The following FH variants were observed in gnomAD, a reference collection of about 807,000 sequenced individuals.
FH encodes fumarate hydratase, also known as fumarate hydratase, mitochondrial.
FH carries 22 observed loss-of-function variants against 49.4 expected under a neutral mutation model. The observed-to-expected ratio is 0.45, with a 90% CI of 0.32 to 0.64. The LOEUF (loss-of-function observed/expected upper bound fraction) is 0.64, where lower values mean the gene tolerates loss of function less well. Among genes scored for constraint, FH ranks in the 30% least tolerant of loss-of-function variants. The pLI is 0.05. For synonymous variants in FH, 208 were observed against 223.0 expected, an observed-to-expected ratio of 0.93 and a Z score of 0.60; for missense variants, 526 against 641.5, an observed-to-expected ratio of 0.82 and a Z score of 1.95.
intron 4 of FH, among the ~76,000 whole-genome samples, chr1:241,510,718 A>T (rs758031919): frequency 1.3e-5 from 2 of 152,208 alleles, no homozygotes; most frequent in African/African-American, 4.8e-5. Context: ...TAATTACTAC[A>T]GTGATTTTAA....
At chr1:241,513,786 G>T in intron 2 of FH, 73 bp from the exon 3 acceptor site, 1 of 1,178,820 alleles carries the variant, frequency 8.5e-7, no homozygotes, top group Non-Finnish European at 1.3e-6. Context: ...TTTGGCAGAT[G>T]CAAAAGCTAT....
In FH at chr1:241,512,107, C is replaced by T. The variant is rs200343823; in HGVS notation, c.415G>A (p.Val139Met). 2.0e-5 allele frequency: 32 copies of T among 1,613,570 alleles called. No individual in the cohort carries two copies. Among genetic ancestry groups the T allele is most frequent in the East Asian group, 1.8e-4 (8 of 44,856 alleles). ...GTTCCTGATCCAGTCTGCCATACCA[C>T]GAGAGGAAAATGATCATTTAATTTA... ...EGKLNDHFPL[V>M]VWQTGSGTQT... Residue 139 changes from valine to methionine, a missense_variant, in exon 4 of 10, where the codon GTG becomes ATG. Physicochemically the swap from Val to Met is conservative, Grantham distance 21. This residue lies in a region of FH where 383 missense variants were observed against 514.0 expected (regional missense o/e 0.75). Transcript: ENST00000366560.
At chr1:241,508,561 T>A (rs201240319) in intron 5 of FH, 42 bp downstream of exon 5, 2 of 1,558,132 alleles carry the variant, frequency 1.3e-6, no homozygotes, top group East Asian at 4.5e-5. Flanking sequence ...TGGCCATTTG[T>A]ACCAAGCTCT....
chr1:241,515,867 G>A (rs1225647678), intron 2 of FH, among the ~76,000 whole-genome samples: 1 of 152,086 alleles, frequency 6.6e-6, no homozygotes, highest in Admixed American at 6.6e-5. Context: ...TTTCTTAGTG[G>A]TGCCTATTGG....
chr1:241,518,366 C>T (rs929975739), intron 1 of FH, among the ~76,000 whole-genome samples: 2 of 152,288 alleles, frequency 1.3e-5, no homozygotes, highest in African/African-American at 4.8e-5. Flanking sequence ...CTTCCCTTTA[C>T]AAAACACTAA....
chr1:241,518,474 G>A (rs1218690519), intron 1 of FH, among the ~76,000 whole-genome samples: 1 of 152,206 alleles, frequency 6.6e-6, no homozygotes, highest in African/African-American at 2.4e-5. Context: ...CTCTGATTCT[G>A]TAGTATAGTT....
In FH at chr1:241,519,692, A is replaced by T; in HGVS notation, c.31T>A (p.Ser11Thr). The part of the protein sequence containing the change: MYRALRLLAR[S>T]RPLVRAPAAA... ...GCTGGAGCCCGCACGAGGGGACGCG[A>T]GCGCGCGAGGAGCCGAAGTGCTCGG... Residue 11 changes from serine to threonine, a missense_variant, in exon 1 of 10, where the codon TCG becomes ACG. By Grantham distance (58) the Ser-to-Thr change is moderately conservative. Around this residue, in one of 2 missense-constraint regions of FH, gnomAD observed 143 missense variants for 127.5 expected, o/e 1.12. Transcript: ENST00000366560. 6.5e-7 allele frequency: 1 copy of T among 1,546,742 alleles called. No homozygotes were observed. Among genetic ancestry groups the T allele is most frequent in the Non-Finnish European group, 8.7e-7 (1 of 1,145,804 alleles).
At chr1:241,499,260 A>G (rs970580141) in intron 9 of FH, among the ~76,000 whole-genome samples, 6 of 152,182 alleles carry the variant, frequency 3.9e-5, no homozygotes, top group African/African-American at 1.4e-4. Flanking sequence ...TCTCATTCTC[A>G]TATGGCCTCT....
intron 1 of FH, among the ~76,000 whole-genome samples, chr1:241,517,608 T>A (rs993163845): frequency 6.6e-6 from 1 of 152,114 alleles, no homozygotes; most frequent in Admixed American, 6.5e-5. Context: ...ATTTCAAGAG[T>A]ATGCTTATTA....
intron 1 of FH, among the ~76,000 whole-genome samples, chr1:241,518,351 G>A (rs1660273795): frequency 6.6e-6 from 1 of 152,190 alleles, no homozygotes; most frequent in Non-Finnish European, 1.5e-5. Flanking sequence ...AAGTTCTCCA[G>A]TCTGCTTCCC....
At chr1:241,511,677 T>C (rs1338573514) in intron 4 of FH, among the ~76,000 whole-genome samples, 2 of 152,140 alleles carry the variant, frequency 1.3e-5, no homozygotes, top group Admixed American at 6.6e-5. Context: ...TGAAGGGATA[T>C]AGAAACTATT....
intron 5 of FH, among the ~76,000 whole-genome samples, chr1:241,507,152 T>C (rs1659951960): frequency 6.6e-6 from 1 of 152,210 alleles, no homozygotes; most frequent in African/African-American, 2.4e-5. Context: ...TATAAAACCG[T>C]ATTTTTACTG....
chr1:241,510,741 A>G (rs1373520447), intron 4 of FH, among the ~76,000 whole-genome samples: 1 of 152,158 alleles, frequency 6.6e-6, no homozygotes, highest in Non-Finnish European at 1.5e-5. Flanking sequence ...TAAGCCCAAA[A>G]ACTTTTTGAT....
chr1:241,498,105 G>C, intron 9 of FH, 135 bp from the exon 10 acceptor site: 1 of 792,502 alleles, frequency 1.3e-6, no homozygotes, highest in Non-Finnish European at 2.1e-6. Context: ...TTTTAAATTA[G>C]TTAACAGTGA....
chr1:241,500,619 G>GAA, intron 8 of FH, 29 bp from the exon 9 acceptor site: 1 of 1,607,930 alleles, frequency 6.2e-7, no homozygotes, highest in Non-Finnish European at 8.5e-7. Context: ...GAGAGAGAGA[G>GAA]AGAGAGAGAG....
In FH at chr1:241,502,560, G is replaced by T. The variant is rs542014575; in HGVS notation, c.1119C>A (p.Asn373Lys). The T allele has an allele frequency of 6.2e-7, 1 of 1,614,090 alleles. No homozygotes were observed. The highest frequency in any genetic ancestry group is 8.5e-7 in the Non-Finnish European group (1 of 1,179,984). Residue 373 changes from asparagine to lysine, a missense_variant, in exon 8 of 10, where the codon AAC becomes AAA. Transcript: ENST00000366560. ...PGSSIMPGKV[N>K]PTQCEAMTMV... ...TGGTCATTGCTTCACACTGAGTAGG[G>T]TTCACCTTGCCTTCAAGAAAACCAC...
chr1:241,500,034 GTAGAGATCTAGGGAAGGT>G (rs1236666236), intron 9 of FH, among the ~76,000 whole-genome samples: 24 of 152,046 alleles, frequency 1.6e-4, no homozygotes, highest in African/African-American at 5.8e-4. Context: ...TTAAAGCATT[GTAGAGATCTAGGGAAGGT>G]AGAAAAATGA....
chr1:241,512,357 T>C lies in FH; in HGVS notation c.379-214A>G, dbSNP rs137857651. 3.8e-3 allele frequency among the ~76,000 whole-genome samples: 585 copies of C among 152,238 alleles called. 5 individuals carry two copies. Among genetic ancestry groups the C allele is most frequent in the African/African-American group, 0.013 (554 of 41,540 alleles). ...AAGGGAATCAAAGGTATCTTTCTTA[T>C]CTCTCTCCCACAGCCTCCTCTAACA... On this transcript the variant is annotated intron_variant, in intron 3 of 9. Coordinates refer to ENST00000366560, the MANE Select transcript of FH (RefSeq NM_000143.4).
chr1:241,515,187 T>C (rs762842547), intron 2 of FH, among the ~76,000 whole-genome samples: 2 of 152,186 alleles, frequency 1.3e-5, no homozygotes, highest in Non-Finnish European at 2.9e-5. Context: ...TTAGAGTACA[T>C]ACAGACTGTT....
Sources: allele counts gnomAD v4.1 joint callset (sites outside exome capture counted in the v4.1 genomes callset), GRCh38; gene constraint gnomAD v4.1.1; regional missense constraint gnomAD v4.1.1; transcripts MANE v1.5; gene names NCBI Gene and HGNC (gene_info 2026-07-23, HGNC 2026-07-21).